The following TYW1B variants were observed in gnomAD, a reference collection of about 807,000 sequenced individuals.
The protein encoded by TYW1B is S-adenosyl-L-methionine-dependent tRNA 4-demethylwyosine synthase TYW1B.
A neutral mutation model predicts 86.9 loss-of-function variants in TYW1B; 73 were observed. That is an observed-to-expected ratio of 0.84 (90% CI 0.70 to 1.02). TYW1B has a LOEUF of 1.02. Among genes scored for constraint, TYW1B ranks in the 50% least tolerant of loss-of-function variants. The probability of loss-of-function intolerance (pLI) is 0.00; values close to 1 mark genes in which losing one functional copy is unlikely to be tolerated. For synonymous variants in TYW1B, 248 were observed against 292.8 expected, an observed-to-expected ratio of 0.85 and a Z score of 1.56; for missense variants, 637 against 827.4, an observed-to-expected ratio of 0.77 and a Z score of 2.82.
At chr7:72,659,764 A>G (rs2129569416) in intron 11 of TYW1B, among the ~76,000 whole-genome samples, 1 of 152,292 alleles carries the variant, frequency 6.6e-6, no homozygotes, top group Non-Finnish European at 1.5e-5. Context: ...AAAAACAATG[A>G]GAGCAAAATC....
At position 72,773,296 on chromosome 7, in the gene TYW1B, G is replaced by C. The variant is rs564893536; in HGVS notation, c.964+4120C>G. ...TGGAATTCTGCTTCTAGCCAAGATG[G>C]AGTAACAGAGAGGATTTACAATCCT... On this transcript the variant is annotated intron_variant, in intron 7 of 13. Coordinates refer to ENST00000620995, the MANE Select transcript of TYW1B (RefSeq NM_001145440.3). Among the ~76,000 whole-genome samples, 197 of 152,246 alleles carry C rather than the reference G, an allele frequency of 1.3e-3. 1 individual carries two copies. Among genetic ancestry groups the C allele is most frequent in the African/African-American group, 4.2e-3 (176 of 41,552 alleles).
At chr7:72,801,012 T>A (rs1788395672) in intron 6 of TYW1B, among the ~76,000 whole-genome samples, 10 of 152,120 alleles carry the variant, frequency 6.6e-5, no homozygotes, top group Admixed American at 5.9e-4. Context: ...CCAACGTAGG[T>A]TTAAGACATT....
chr7:72,802,357 C>T (rs1554475894), intron 6 of TYW1B, 43 bp downstream of exon 6: 17 of 1,611,388 alleles, frequency 1.1e-5, no homozygotes, highest in Non-Finnish European at 1.4e-5. Flanking sequence ...AAATGTTAAC[C>T]AACTGCGGGA....
At chr7:72,595,725 A>C (rs1465655813) in intron 13 of TYW1B, among the ~76,000 whole-genome samples, 1 of 152,132 alleles carries the variant, frequency 6.6e-6, no homozygotes, top group Non-Finnish European at 1.5e-5. Context: ...AATTAAAAAT[A>C]AGATAGCATC....
chr7:72,715,613 A>G (rs1430800836), intron 9 of TYW1B, among the ~76,000 whole-genome samples: 1 of 151,950 alleles, frequency 6.6e-6, no homozygotes, highest in African/African-American at 2.4e-5. Flanking sequence ...GAGAAGGGAG[A>G]GGATCAGGAA....
intron 11 of TYW1B, among the ~76,000 whole-genome samples, chr7:72,645,302 T>C (rs1411636356): frequency 1.3e-5 from 2 of 152,048 alleles, no homozygotes; most frequent in Non-Finnish European, 2.9e-5. Context: ...TATAAACCAA[T>C]AAGAAAAAGA....
At chr7:72,686,558 G>A (rs1554449448) in intron 11 of TYW1B, among the ~76,000 whole-genome samples, 1 of 152,152 alleles carries the variant, frequency 6.6e-6, no homozygotes, top group Non-Finnish European at 1.5e-5. Context: ...GAGGGAGGGA[G>A]AGATAAACAG....
At chr7:72,735,866 T>TTA (rs1201059808) in intron 8 of TYW1B, among the ~76,000 whole-genome samples, 1 of 144,192 alleles carries the variant, frequency 6.9e-6, no homozygotes, top group South Asian at 2.2e-4. Context: ...CGAGACTGTC[T>TTA]AAAAAAAAAA....
intron 6 of TYW1B, among the ~76,000 whole-genome samples, chr7:72,783,422 T>C (rs1554471952): frequency 1.3e-5 from 2 of 150,312 alleles, no homozygotes. Context: ...TCATGTTTAA[T>C]TATACATGAA....
intron 13 of TYW1B, among the ~76,000 whole-genome samples, chr7:72,596,801 T>C (rs1368908908): frequency 1.3e-5 from 2 of 151,918 alleles, no homozygotes; most frequent in Admixed American, 1.3e-4. Flanking sequence ...TTAAAAGGCA[T>C]GCATCAAAAG....
intron 13 of TYW1B, among the ~76,000 whole-genome samples, chr7:72,613,556 C>T (rs1554436345): frequency 6.6e-6 from 1 of 151,762 alleles, no homozygotes; most frequent in Non-Finnish European, 1.5e-5. Context: ...TACAGGCCCC[C>T]GCCACCACAC....
intron 6 of TYW1B, among the ~76,000 whole-genome samples, chr7:72,798,237 A>T (rs1337618120): frequency 1.3e-5 from 2 of 152,052 alleles, no homozygotes; most frequent in Non-Finnish European, 2.9e-5. Context: ...CAAAAATACA[A>T]AAAATTAGCT....
chr7:72,738,617 C>T (rs1554461457), intron 8 of TYW1B, among the ~76,000 whole-genome samples: 2 of 152,100 alleles, frequency 1.3e-5, no homozygotes, highest in Admixed American at 6.6e-5. Flanking sequence ...AAAAATATCT[C>T]GAGACATTGT....
chr7:72,629,809 A>G (rs1273267797), intron 11 of TYW1B, among the ~76,000 whole-genome samples: 5 of 152,058 alleles, frequency 3.3e-5, no homozygotes, highest in Admixed American at 2.6e-4. Flanking sequence ...GAGGCTTCCG[A>G]AGGGCTGGGA....
intron 6 of TYW1B, among the ~76,000 whole-genome samples, chr7:72,780,016 TAAAC>T (rs1398639324): frequency 3.9e-5 from 6 of 152,186 alleles, no homozygotes; most frequent in South Asian, 2.1e-4. Flanking sequence ...AAAAAATTCA[TAAAC>T]AAACATCAAT....
intron 6 of TYW1B, among the ~76,000 whole-genome samples, chr7:72,781,755 C>T (rs1788054162): frequency 6.6e-6 from 1 of 152,170 alleles, no homozygotes; most frequent in Admixed American, 6.6e-5. Context: ...TCCACTCCTC[C>T]CATCTCCCAT....
intron 11 of TYW1B, among the ~76,000 whole-genome samples, chr7:72,682,189 A>G (rs1431939658): frequency 6.6e-6 from 1 of 151,966 alleles, no homozygotes; most frequent in African/African-American, 2.4e-5. Flanking sequence ...ATAATTACTT[A>G]TATAGAAAGA....
chr7:72,729,131 C>T (rs1476918364), intron 8 of TYW1B, among the ~76,000 whole-genome samples, 200 bp from the exon 9 acceptor site: 1 of 152,204 alleles, frequency 6.6e-6, no homozygotes, highest in African/African-American at 2.4e-5. Context: ...AGAAATCATT[C>T]AACTCTTCCC....
chr7:72,679,762 T>A (rs1413497708), intron 11 of TYW1B, among the ~76,000 whole-genome samples: 1 of 152,196 alleles, frequency 6.6e-6, no homozygotes, highest in Admixed American at 6.5e-5. Context: ...GTTACATTAT[T>A]ATATAAAGTT....
Sources: gnomAD v4.1 joint callset for allele counts (sites outside exome capture counted in the v4.1 genomes callset) on GRCh38, gnomAD v4.1.1 for gene constraint, MANE v1.5 for transcripts, NCBI Gene and HGNC (gene_info 2026-07-23, HGNC 2026-07-21) for gene names.